TRAP1: variants seen among roughly 807,000 people sequenced by gnomAD.
TRAP1 encodes the protein TNF receptor associated protein 1, also known as heat shock protein 75 kDa, mitochondrial.
A neutral mutation model predicts 89.1 loss-of-function variants in TRAP1; 102 were observed. The ratio of observed to expected loss-of-function variants is 1.15; its 90% CI spans 0.98 to 1.35. TRAP1 has a LOEUF of 1.35. Among genes scored for constraint, TRAP1 ranks in the 40% most tolerant of loss-of-function variants. The pLI, the probability that TRAP1 is intolerant of heterozygous loss-of-function variation, is 0.00. For missense variants in TRAP1, 1,256 were observed against 945.3 expected (o/e 1.33, Z -4.31); for synonymous variants, 508 against 388.0 (o/e 1.31, Z -3.64).
In TRAP1 at chr16:3,700,497, C is replaced by T. The variant is rs187537775; in HGVS notation, c.89-9512G>A. ...TGTTTGTTTGTTTGAGATGCAGTCT[C>T]ACTCTGTTGCCCAGGCTGGAGTGCA... On this transcript the variant is annotated intron_variant, in intron 1 of 17. Coordinates refer to ENST00000246957, the MANE Select transcript of TRAP1 (RefSeq NM_016292.3). Among the ~76,000 whole-genome samples, 14 of 152,064 alleles carry T rather than the reference C, an allele frequency of 9.2e-5. No individual in the cohort carries two copies. The East Asian group carries it at 2.7e-3, about 29-fold the overall frequency.
At chr16:3,682,894 T>C (rs997495576) in intron 4 of TRAP1, among the ~76,000 whole-genome samples, 1 of 151,780 alleles carries the variant, frequency 6.6e-6, no homozygotes, top group Non-Finnish European at 1.5e-5. Flanking sequence ...TCAGGCTGGG[T>C]GCGGTAGCTC....
intron 1 of TRAP1, among the ~76,000 whole-genome samples, chr16:3,702,113 A>AC (rs1271449052): frequency 6.6e-6 from 1 of 151,590 alleles, no homozygotes; most frequent in Non-Finnish European, 1.5e-5. Flanking sequence ...ACACAGTGAG[A>AC]CTCCATCTCG....
intron 3 of TRAP1, 118 bp downstream of exon 3, chr16:3,688,937 A>G (rs2051174333): frequency 1.1e-6 from 1 of 946,386 alleles, no homozygotes; most frequent in Non-Finnish European, 1.6e-6. Flanking sequence ...GGACCTGTCC[A>G]AAGTTTAATG....
chr16:3,681,318 C>T (rs1275477656), intron 4 of TRAP1, among the ~76,000 whole-genome samples: 1 of 152,200 alleles, frequency 6.6e-6, no homozygotes, highest in East Asian at 1.9e-4. Flanking sequence ...AGTGCTGTCT[C>T]CATTGGCAAA....
Position 3,658,802 on chromosome 16 carries a change from CAGCAGCT to C in TRAP1, c.1997_2003del (p.Gln666ArgfsTer10), listed in dbSNP as rs770979480. ...AAGCTGCTGCACTCACCTGATCCACCAGCAGCTGAGCCAGGCCAGGCTCGCTTGCGCG... is the reference window on the plus strand; with the variant it reads ...AAGCTGCTGCACTCACCTGATCCACCGAGCCAGGCCAGGCTCGCTTGCGCG... On this transcript the variant is annotated frameshift_variant, in exon 17 of 18. Transcript: ENST00000246957. LOFTEE classifies it high-confidence loss of function. The C allele has an allele frequency of 6.2e-7, 1 of 1,613,776 alleles. No individual in the cohort carries two copies. Among genetic ancestry groups the C allele is most frequent in the South Asian group, 1.1e-5 (1 of 91,042 alleles).
At chr16:3,701,950 C>G (rs780980552) in intron 1 of TRAP1, among the ~76,000 whole-genome samples, 1 of 152,160 alleles carries the variant, frequency 6.6e-6, no homozygotes, top group Non-Finnish European at 1.5e-5. Context: ...GTGGCTCACA[C>G]CTGTTATCCC....
At chr16:3,668,115 G>C (rs913524833) in intron 11 of TRAP1, among the ~76,000 whole-genome samples, 2 of 152,030 alleles carry the variant, frequency 1.3e-5, no homozygotes, top group African/African-American at 2.4e-5. Flanking sequence ...TTTTAGTAGA[G>C]ATGGGGTTTC....
chr16:3,675,943 T>C (rs1056801107), intron 7 of TRAP1, 93 bp downstream of exon 7: 2 of 1,127,260 alleles, frequency 1.8e-6, no homozygotes, highest in Non-Finnish European at 2.6e-6. Context: ...GCACCCTACG[T>C]GCAGGTAGAA....
chr16:3,658,544 A>G, intron 17 of TRAP1: 1 of 572,104 alleles, frequency 1.7e-6, no homozygotes. Flanking sequence ...AGCCAGGCGC[A>G]TGCCTGTAGT....
Position 3,672,744 on chromosome 16 carries a change from G to C in TRAP1, c.1121C>G (p.Thr374Ser), listed in dbSNP as rs1415425118. 18 of 1,611,332 alleles carry C rather than the reference G, an allele frequency of 1.1e-5. No homozygotes were observed. The highest frequency in any genetic ancestry group is 1.5e-5 in the Non-Finnish European group (18 of 1,178,928). ...ALYSRKVLIQTKATDILPKWL... is the reference protein window; with the variant it reads ...ALYSRKVLIQSKATDILPKWL... ...CTTGGGCAGGATGTCCGTGGCCTTG[G>C]TCTGGATGAGGACTTTGCGGCTGTA... Residue 374 changes from threonine to serine, a missense_variant, in exon 10 of 18, where the codon ACC (threonine) becomes AGC (serine). Coordinates refer to ENST00000246957, the MANE Select transcript of TRAP1 (RefSeq NM_016292.3).
intron 1 of TRAP1, among the ~76,000 whole-genome samples, chr16:3,715,642 G>A (rs903063051): frequency 2.0e-5 from 3 of 151,844 alleles, no homozygotes; most frequent in South Asian, 2.1e-4. Context: ...CAAAAGAAAC[G>A]AGAACCAAAT....
chr16:3,689,072 G>C lies in TRAP1; in HGVS notation c.313C>G (p.Leu105Val). 6.2e-7 allele frequency: 1 copy of C among 1,613,796 alleles called. No individual in the cohort carries two copies. The highest frequency in any genetic ancestry group is 8.5e-7 in the Non-Finnish European group (1 of 1,179,846). Residue 105 changes from leucine to valine, a missense_variant, in exon 3 of 18, where the codon CTG (leucine) becomes GTG (valine). Coordinates refer to ENST00000246957, the MANE Select transcript of TRAP1 (RefSeq NM_016292.3). Reference sequence around the variant, plus strand: ...GAACGCACCTCTTTTTCTGAGTACAGGGACCGGGCAACAATGTCCAAAAGC... The same window carrying C: ...GAACGCACCTCTTTTTCTGAGTACACGGACCGGGCAACAATGTCCAAAAGC... ...KKLLDIVARS[L>V]YSEKEVFIRE...
At chr16:3,677,366 G>A (rs2051012511) in intron 6 of TRAP1, 132 bp downstream of exon 6, 2 of 1,237,124 alleles carry the variant, frequency 1.6e-6, no homozygotes, top group East Asian at 2.4e-5. Context: ...CCCCAAAATG[G>A]GAGAGTCAGA....
At chr16:3,703,796 A>C (rs770114838) in intron 1 of TRAP1, among the ~76,000 whole-genome samples, 1 of 151,808 alleles carries the variant, frequency 6.6e-6, no homozygotes, top group African/African-American at 2.4e-5. Context: ...CGGGCAGATC[A>C]CGAGGTCAGG....
chr16:3,710,607 C>T (rs562147840), intron 1 of TRAP1, among the ~76,000 whole-genome samples: 2 of 152,240 alleles, frequency 1.3e-5, no homozygotes, highest in African/African-American at 4.8e-5. Flanking sequence ...AAGTCAGCCT[C>T]GTGGAAAATT....
chr16:3,688,435 T>C (rs2051167194), intron 3 of TRAP1, among the ~76,000 whole-genome samples: 1 of 152,020 alleles, frequency 6.6e-6, no homozygotes, highest in Admixed American at 6.5e-5. Flanking sequence ...TCAGAGCGTA[T>C]CCAAAGCTCC....
chr16:3,674,718 G>A, intron 8 of TRAP1: 1 of 585,290 alleles, frequency 1.7e-6, no homozygotes, highest in Non-Finnish European at 3.0e-6. Context: ...AGGACAACAT[G>A]TCAGGAGGAC....
chr16:3,695,322 C>T (rs1233431468), intron 1 of TRAP1, among the ~76,000 whole-genome samples: 3 of 152,060 alleles, frequency 2.0e-5, no homozygotes, highest in Middle Eastern at 3.2e-3. Flanking sequence ...CTTCCACATA[C>T]ATCTTTTCGT....
Position 3,666,089 on chromosome 16 carries a change from A to T in TRAP1, c.1265T>A (p.Leu422Gln), listed in dbSNP as rs751925218. ...ACTCTGGTCAATGAAGAATTTGATC[A>T]GCCTCTGCTGTAAAACGTCCCGGAG... ...RKLRDVLQQR[L>Q]IKFFIDQSKK... The change falls in exon 12 of 18, where the codon CTG becomes CAG. Residue 422 changes from leucine to glutamine, a missense_variant. Transcript: ENST00000246957. 20 of 1,613,680 alleles carry T rather than the reference A, an allele frequency of 1.2e-5. No homozygotes were observed. The East Asian group carries it at 1.6e-4, about 13-fold the overall frequency.
Sources: gnomAD v4.1 joint callset for allele counts (sites outside exome capture counted in the v4.1 genomes callset) on GRCh38, gnomAD v4.1.1 for gene constraint, MANE v1.5 for transcripts, NCBI Gene and HGNC (gene_info 2026-07-23, HGNC 2026-07-21) for gene names.